Variants in NQO2 observed in about 807,000 individuals in gnomAD.
NQO2 encodes N-ribosyldihydronicotinamide:quinone dehydrogenase 2.
Under a neutral mutation model 22.0 loss-of-function variants are expected in NQO2, and 18 were observed. That is an observed-to-expected ratio of 0.82 (90% CI 0.56 to 1.21). The LOEUF is 1.21. Ranked by LOEUF, NQO2 falls within the 50% of genes most tolerant of loss-of-function variation. NQO2 has a pLI of 0.00. For missense variants in NQO2, 267 were observed against 286.9 expected, an observed-to-expected ratio of 0.93 and a Z score of 0.50; for synonymous variants, 106 against 110.8, an observed-to-expected ratio of 0.96 and a Z score of 0.28.
chr6:3,003,816 G>A lies in NQO2; in HGVS notation c.-85-2652G>A, dbSNP rs185060917. ...TACTTGGACACAAAGCCTGTGCCTG[G>A]AGCACTTTCAGACAGACAGTGCATG... On this transcript the variant is annotated intron_variant, in intron 1 of 6. Transcript: ENST00000380455. 63 of 952,480 alleles carry A rather than the reference G, an allele frequency of 6.6e-5. No homozygotes were observed. In the East Asian group the frequency reaches 5.0e-3, roughly 76 times the overall value. 59.0% of individuals were successfully genotyped at this position (952,480 alleles called of 1,614,324 possible). A position where few individuals can be genotyped will look rare whatever the true frequency, so the allele number is the denominator to read the frequency against.
At chr6:3,005,920 A>T (rs1756935735) in intron 1 of NQO2, 2 of 539,742 alleles carry the variant, frequency 3.7e-6, no homozygotes, top group Non-Finnish European at 4.7e-6. Context: ...AGTCTGTCTG[A>T]TGCGGGGGTC....
Position 3,019,479 on chromosome 6 carries a change from C to A in NQO2, c.520C>A (p.His174Asn). ...DSRYFLWPLQ[H>N]GTLHFCGFKV... ...TTCTTTTCTTCCCCTGTGGCTTTAG[C>A]ATGGCACATTACACTTCTGTGGATT... Residue 174 changes from histidine to asparagine, a missense_variant and splice_region_variant, in exon 7 of 7, where the codon CAT becomes AAT. His to Asn is a moderately conservative substitution (Grantham distance 68). Transcript: ENST00000380455. The A allele has an allele frequency of 6.2e-7, 1 of 1,611,408 alleles. No individual in the cohort carries two copies. Among genetic ancestry groups the A allele is most frequent in the Non-Finnish European group, 8.5e-7 (1 of 1,178,402 alleles).
rs1437828857 is a variant in NQO2 at position 3,019,585 on chromosome 6, C to T, written c.626C>T (p.Ser209Phe). 6.2e-7 allele frequency: 1 copy of T among 1,614,028 alleles called. No individual in the cohort carries two copies. The highest frequency in any genetic ancestry group is 8.5e-7 in the Non-Finnish European group (1 of 1,180,024). Residue 209 changes from serine to phenylalanine, a missense_variant, in exon 7 of 7, where the codon TCC (serine) becomes TTC (phenylalanine). Transcript: ENST00000380455. ...EERKGMVAAW[S>F]QRLQTIWKEE... Reference sequence around the variant, plus strand: ...AGAAAGGGGATGGTGGCTGCGTGGTCCCAGAGGCTGCAGACCATCTGGAAG... The same window carrying T: ...AGAAAGGGGATGGTGGCTGCGTGGTTCCAGAGGCTGCAGACCATCTGGAAG...
chr6:3,013,081 G>A (rs367916718), intron 4 of NQO2, among the ~76,000 whole-genome samples: 1 of 146,846 alleles, frequency 6.8e-6, no homozygotes, highest in Non-Finnish European at 1.5e-5. Flanking sequence ...TCAGCCTCCC[G>A]AGTAGCTGGG....
intron 1 of NQO2, among the ~76,000 whole-genome samples, chr6:3,000,601 G>A (rs1366852609): frequency 6.6e-6 from 1 of 151,906 alleles, no homozygotes; most frequent in African/African-American, 2.4e-5. Context: ...GAGTGCAGTG[G>A]CACGATTTCG....
At chr6:3,014,495 C>T (rs988613761) in intron 4 of NQO2, among the ~76,000 whole-genome samples, 2 of 152,172 alleles carry the variant, frequency 1.3e-5, no homozygotes, top group African/African-American at 4.8e-5. Context: ...CGGCCGGCCA[C>T]GTGGAGCCCG....
intron 6 of NQO2, 75 bp from the exon 7 acceptor site, chr6:3,019,404 C>T (rs1757457941): frequency 6.7e-7 from 1 of 1,498,770 alleles, no homozygotes; most frequent in East Asian, 2.3e-5. Context: ...CCATTTCCCC[C>T]CTTAAATCAT....
chr6:3,006,614 T>A lies in NQO2; in HGVS notation c.7+55T>A. The A allele has an allele frequency of 1.3e-6, 2 of 1,533,606 alleles. No individual in the cohort carries two copies. The highest frequency in any genetic ancestry group is 1.8e-6 in the Non-Finnish European group (2 of 1,137,580). The allele number at this position is 1,533,606 out of a possible 1,614,324, so 95.0% of individuals were successfully genotyped here. On this transcript the variant is annotated intron_variant, in intron 2 of 6. Transcript: ENST00000380455. The surrounding 1 kb of genome is among the most constrained non-coding windows in gnomAD (Gnocchi z 4.0). Reference sequence around the variant, plus strand: ...TTTTTTTTTTTGAGATGGGATTTTGTTGTATTGCCCAGGCTGGTCTCAAAC... The same window carrying A: ...TTTTTTTTTTTGAGATGGGATTTTGATGTATTGCCCAGGCTGGTCTCAAAC...
chr6:3,012,114 G>C (rs1392795692), intron 3 of NQO2, among the ~76,000 whole-genome samples: 1 of 152,198 alleles, frequency 6.6e-6, no homozygotes, highest in Non-Finnish European at 1.5e-5. Flanking sequence ...GACCTGTTAA[G>C]AGCCAAAGAT....
Position 3,016,940 on chromosome 6 carries a change from G to T in NQO2, c.474G>T (p.Lys158Asn). 1 of 1,614,074 alleles carries T rather than the reference G, an allele frequency of 6.2e-7. No homozygotes were observed. Among genetic ancestry groups the T allele is most frequent in the Non-Finnish European group, 8.5e-7 (1 of 1,180,026 alleles). The stretch of plus-strand genomic sequence containing the variant: ...GAGGCACGGCCGAGATGTACACGAA[G>T]ACAGGAGTCAATGGAGATTCTCGAT... ...TTGGTAEMYT[K>N]TGVNGDSRYF... The change falls in exon 6 of 7, where the codon AAG (lysine) becomes AAT (asparagine). Residue 158 changes from lysine to asparagine, a missense_variant. Lys to Asn is a moderately conservative substitution (Grantham distance 94). Transcript: ENST00000380455.
intron 1 of NQO2, chr6:3,005,600 TG>T (rs1170969362): frequency 1.0e-6 from 1 of 974,834 alleles, no homozygotes; most frequent in African/African-American, 1.8e-5. Context: ...GCTTTGTTGT[TG>T]TTAAGTTTTA....
rs1002424451 is a variant in NQO2, at chr6:3,006,371, G to A, written c.-85-97G>A. 55 of 1,421,662 alleles carry A rather than the reference G, an allele frequency of 3.9e-5. No homozygotes were observed. The highest frequency in any genetic ancestry group is 2.3e-4 in the Admixed American group (7 of 30,460). 88.1% of individuals were successfully genotyped at this position (1,421,662 alleles called of 1,614,324 possible). ...TGAGAGGTCTTTCTCTGATGTGTTT[G>A]CGTGTCTGTCAGGAAGCAGCAGTGA... is the stretch of plus-strand genomic sequence containing the variant. On this transcript the variant is annotated intron_variant, in intron 1 of 6. Coordinates refer to ENST00000380455, the MANE Select transcript of NQO2 (RefSeq NM_000904.6). The surrounding 1 kb of genome is among the most constrained non-coding windows in gnomAD (Gnocchi z 4.0).
intron 1 of NQO2, chr6:3,004,404 A>G (rs1169922836): frequency 9.1e-6 from 9 of 985,512 alleles, no homozygotes; most frequent in Non-Finnish European, 1.1e-5. Context: ...CCTCTTGGGG[A>G]GTGACAGTGC....
chr6:3,000,958 T>G (rs1328296666), intron 1 of NQO2, among the ~76,000 whole-genome samples: 5 of 151,994 alleles, frequency 3.3e-5, no homozygotes, highest in Admixed American at 3.3e-4. Flanking sequence ...TTCTCCCCCC[T>G]CAGCCCCTTG....
chr6:3,000,769 C>G (rs1217674394), intron 1 of NQO2, among the ~76,000 whole-genome samples: 2 of 152,004 alleles, frequency 1.3e-5, no homozygotes, highest in African/African-American at 2.4e-5. Context: ...AAACTCCTGA[C>G]CTCGTGATCC....
rs1050930134 is a variant in NQO2, at chr6:3,005,497, T to C, written c.-85-971T>C. Reference sequence around the variant, plus strand: ...TTTGCATTTCCCTAATGATTAGTGATGCTAAGCATCTTTTCATGGCTTACT... The same window carrying C: ...TTTGCATTTCCCTAATGATTAGTGACGCTAAGCATCTTTTCATGGCTTACT... On this transcript the variant is annotated intron_variant, in intron 1 of 6. Transcript: ENST00000380455. 5.9e-5 allele frequency among the ~76,000 whole-genome samples: 9 copies of C among 152,348 alleles called. No homozygotes were observed. In the South Asian group the frequency reaches 1.4e-3, roughly 25 times the overall value.
chr6:3,011,180 A>G (rs1380822164), intron 3 of NQO2, among the ~76,000 whole-genome samples: 2 of 152,198 alleles, frequency 1.3e-5, no homozygotes, highest in African/African-American at 4.8e-5. Context: ...TCAGAATAGC[A>G]CTTTTAAGGA....
intron 1 of NQO2, among the ~76,000 whole-genome samples, chr6:3,003,237 C>T (rs375385014): frequency 1.3e-5 from 2 of 152,194 alleles, no homozygotes; most frequent in African/African-American, 2.4e-5. Flanking sequence ...GTTACAGCCC[C>T]ACTTCTCACT....
intron 4 of NQO2, among the ~76,000 whole-genome samples, chr6:3,013,106 C>A (rs1213410085): frequency 1.3e-5 from 2 of 151,744 alleles, no homozygotes; most frequent in Admixed American, 6.6e-5. Flanking sequence ...CAGGCGCCCG[C>A]CACCACGCCC....
Sources: gnomAD v4.1 joint callset for allele counts (sites outside exome capture counted in the v4.1 genomes callset) on GRCh38, gnomAD v4.1.1 for gene constraint, Gnocchi (gnomAD v3.1) non-coding constraint, MANE v1.5 for transcripts, NCBI Gene and HGNC (gene_info 2026-07-23, HGNC 2026-07-21) for gene names.